The following AK7 variants were observed in gnomAD, a reference collection of about 807,000 sequenced individuals.
The protein encoded by AK7 is ATP-AMP transphosphorylase 7.
Under a neutral mutation model 96.6 loss-of-function variants are expected in AK7, and 78 were observed. The observed-to-expected ratio is 0.81, with a 90% CI of 0.67 to 0.97. The LOEUF (loss-of-function observed/expected upper bound fraction) is 0.97. AK7 is among the 50% of genes least tolerant of loss of function. The probability of loss-of-function intolerance (pLI) is 0.00; values close to 1 mark genes in which losing one functional copy is unlikely to be tolerated. For synonymous variants in AK7, 302 were observed against 317.2 expected (o/e 0.95, Z 0.51); for missense variants, 855 against 887.9 (o/e 0.96, Z 0.47).
At chr14:96,397,629 C>T (rs1237273984) in intron 1 of AK7, among the ~76,000 whole-genome samples, 3 of 152,168 alleles carry the variant, frequency 2.0e-5, no homozygotes, top group African/African-American at 4.8e-5. Context: ...TACATAAGTG[C>T]CTGTAGTCCC....
chr14:96,404,197 G>C (rs1003659050), intron 2 of AK7, among the ~76,000 whole-genome samples: 3 of 145,514 alleles, frequency 2.1e-5, no homozygotes, highest in African/African-American at 7.6e-5. Flanking sequence ...CAGCAAAGCA[G>C]CAAAGTTACT....
At chr14:96,432,096 AC>A (rs1798893855) in intron 5 of AK7, among the ~76,000 whole-genome samples, 1 of 151,236 alleles carries the variant, frequency 6.6e-6, no homozygotes, top group Non-Finnish European at 1.5e-5. Flanking sequence ...CTAATTGAAT[AC>A]CTTTTATTTC....
At chr14:96,483,315 T>C (rs951301735) in intron 16 of AK7, 96 bp downstream of exon 16, 65 of 1,244,498 alleles carry the variant, frequency 5.2e-5, no homozygotes, top group Non-Finnish European at 6.8e-5. Flanking sequence ...CCCATCCTGC[T>C]CTAGGGAAAT....
chr14:96,450,837 C>T (rs10139980), intron 9 of AK7, among the ~76,000 whole-genome samples: 10,868 of 143,926 alleles, frequency 0.076, 1,405 homozygotes, highest in African/African-American at 0.27. Flanking sequence ...TGCAGTGGCG[C>T]GATCTCGGCT....
intron 11 of AK7, chr14:96,456,819 TG>T (rs1049148636): frequency 3.8e-4 from 88 of 234,442 alleles, no homozygotes; most frequent in African/African-American, 1.9e-3. Flanking sequence ...TGTTAGTTGA[TG>T]ATGGCAGAGT....
intron 10 of AK7, among the ~76,000 whole-genome samples, chr14:96,456,089 A>G (rs1893881042): frequency 1.3e-5 from 2 of 151,968 alleles, no homozygotes; most frequent in African/African-American, 4.8e-5. Flanking sequence ...AAATACAAAA[A>G]TTAGCTGGGC....
chr14:96,440,459 T>A (rs1892903048), intron 6 of AK7, among the ~76,000 whole-genome samples: 1 of 152,190 alleles, frequency 6.6e-6, no homozygotes, highest in Non-Finnish European at 1.5e-5. Flanking sequence ...TGTTTATTCC[T>A]ATGACTGATA....
chr14:96,426,050 T>C (rs1892011984), intron 5 of AK7, among the ~76,000 whole-genome samples: 1 of 152,208 alleles, frequency 6.6e-6, no homozygotes, highest in Non-Finnish European at 1.5e-5. Context: ...TCCTGCCTTT[T>C]GTTATTTGTT....
chr14:96,440,555 C>G (rs577481108), intron 6 of AK7, among the ~76,000 whole-genome samples: 3 of 152,332 alleles, frequency 2.0e-5, no homozygotes, highest in Admixed American at 6.5e-5. Context: ...AGCACCTCAA[C>G]TTGGATGTCT....
intron 16 of AK7, among the ~76,000 whole-genome samples, chr14:96,485,872 T>G (rs1032793778): frequency 1.3e-5 from 2 of 149,990 alleles, no homozygotes; most frequent in African/African-American, 4.9e-5. Context: ...CTCGGCTCAC[T>G]GCAAGCTCCG....
At chr14:96,467,811 A>G (rs1894655860) in intron 12 of AK7, among the ~76,000 whole-genome samples, 1 of 152,104 alleles carries the variant, frequency 6.6e-6, no homozygotes, top group East Asian at 1.9e-4. Context: ...AAAGCCACTC[A>G]TTTTGTTTCA....
At chr14:96,445,712 C>T (rs1021008900) in intron 7 of AK7, among the ~76,000 whole-genome samples, 3 of 151,970 alleles carry the variant, frequency 2.0e-5, no homozygotes, top group Non-Finnish European at 4.4e-5. Flanking sequence ...GAAATGAATA[C>T]AAAATAAATG....
At chr14:96,482,536 A>G (rs545484898) in intron 15 of AK7, among the ~76,000 whole-genome samples, 2 of 152,278 alleles carry the variant, frequency 1.3e-5, no homozygotes, top group East Asian at 1.9e-4. Flanking sequence ...TATTTTTCCT[A>G]TTCAAGTAGA....
chr14:96,453,459 G>A (rs1893720773), intron 10 of AK7, among the ~76,000 whole-genome samples: 1 of 152,234 alleles, frequency 6.6e-6, no homozygotes, highest in Non-Finnish European at 1.5e-5. Context: ...GGCCAGTGTA[G>A]CCCCAGAGGT....
At chr14:96,454,746 A>G (rs1441287116) in intron 10 of AK7, among the ~76,000 whole-genome samples, 1 of 151,412 alleles carries the variant, frequency 6.6e-6, no homozygotes, top group Non-Finnish European at 1.5e-5. Context: ...GGACCTCACT[A>G]TATTGCTCAG....
At chr14:96,425,797 A>G (rs1891997717) in intron 5 of AK7, among the ~76,000 whole-genome samples, 1 of 152,040 alleles carries the variant, frequency 6.6e-6, no homozygotes, top group Non-Finnish European at 1.5e-5. Context: ...GTTTGTCTTG[A>G]AAACTATTTT....
At chr14:96,457,295 A>G (rs1362109904) in intron 11 of AK7, among the ~76,000 whole-genome samples, 1 of 152,064 alleles carries the variant, frequency 6.6e-6, no homozygotes, top group African/African-American at 2.4e-5. Context: ...TCCTGAGCTC[A>G]GGTGATCCGC....
intron 12 of AK7, among the ~76,000 whole-genome samples, chr14:96,468,356 C>T (rs1317733414): frequency 6.7e-5 from 9 of 133,472 alleles, no homozygotes; most frequent in Non-Finnish European, 1.2e-4. Flanking sequence ...GGCTGGAGTG[C>T]GCGATCTCGG....
chr14:96,449,954 C>T (rs983894352), intron 9 of AK7, 75 bp downstream of exon 9: 62 of 1,196,850 alleles, frequency 5.2e-5, no homozygotes, highest in Non-Finnish European at 6.9e-5. Flanking sequence ...TTTTTAATAT[C>T]AGATAGGTTT....
Sources: allele counts gnomAD v4.1 joint callset (sites outside exome capture counted in the v4.1 genomes callset), GRCh38; gene constraint gnomAD v4.1.1; transcripts MANE v1.5; gene names NCBI Gene and HGNC (gene_info 2026-07-23, HGNC 2026-07-21).